The following TRA2B variants were observed in gnomAD, a reference collection of about 807,000 sequenced individuals.
TRA2B encodes transformer-2 protein homolog beta.
TRA2B carries 14 observed loss-of-function variants against 41.7 expected under a neutral mutation model. The ratio of observed to expected loss-of-function variants is 0.34; its 90% CI spans 0.22 to 0.53. The LOEUF (loss-of-function observed/expected upper bound fraction) is 0.53, where lower values mean the gene tolerates loss of function less well. Ranked by LOEUF, TRA2B falls within the 20% of genes least tolerant of loss-of-function variation. The pLI, the probability that TRA2B is intolerant of heterozygous loss-of-function variation, is 0.95. For missense variants in TRA2B, 167 were observed against 396.8 expected (o/e 0.42, Z 4.92); for synonymous variants, 130 against 128.8 (o/e 1.01, Z -0.06).
intron 1 of TRA2B, chr3:185,937,164 C>T: frequency 1.0e-6 from 1 of 985,572 alleles, no homozygotes. Context: ...TTCATTTAGG[C>T]CAAACACAAA....
At chr3:185,935,304 C>A in intron 1 of TRA2B, 1 of 985,266 alleles carries the variant, frequency 1.0e-6, no homozygotes, top group Non-Finnish European at 1.2e-6. Context: ...CTAATTAGAC[C>A]CCTATAGACA....
intron 1 of TRA2B, chr3:185,936,850 T>A (rs1445595507): frequency 2.0e-6 from 2 of 985,292 alleles, no homozygotes; most frequent in African/African-American, 1.7e-5. Context: ...CAGCTACGTA[T>A]GCTGTTTAAA....
At chr3:185,933,979 T>A (rs1359950676) in intron 1 of TRA2B, among the ~76,000 whole-genome samples, 1 of 152,138 alleles carries the variant, frequency 6.6e-6, no homozygotes, top group Non-Finnish European at 1.5e-5. Flanking sequence ...TCAATCTCAA[T>A]GTAACCTCCA....
chr3:185,936,596 T>C (rs1339305714), intron 1 of TRA2B: 1 of 985,100 alleles, frequency 1.0e-6, no homozygotes, highest in East Asian at 1.1e-4. Flanking sequence ...CTAAGACATT[T>C]AATAGTCTTA....
rs1280172761 is a variant in TRA2B, at chr3:185,918,417, G to A, written c.804C>T (p.Tyr268=). ...GTGATCTGTATCCTCCACGACTATA[G>A]TAAGGAGAAGGTGACCGCCTTCTAT... ...QIYRRRSPSP[Y]YSRGGYRSRS... The change falls in exon 8 of 9, where the codon TAC becomes TAT. Residue 268 remains tyrosine (Y), a synonymous_variant. Coordinates refer to ENST00000453386, the MANE Select transcript of TRA2B (RefSeq NM_004593.3). 3 of 1,613,606 alleles carry A rather than the reference G, an allele frequency of 1.9e-6. No homozygotes were observed. The highest frequency in any genetic ancestry group is 2.5e-6 in the Non-Finnish European group (3 of 1,179,692).
intron 4 of TRA2B, chr3:185,923,516 A>G (rs1578476346): frequency 8.1e-6 from 2 of 248,416 alleles, no homozygotes; most frequent in East Asian, 1.5e-4. Flanking sequence ...TTTTGACTCT[A>G]GAATGTGAAC....
In TRA2B at chr3:185,915,666, AAAC is replaced by A. The variant is rs1341633031; in HGVS notation, c.*2046_*2048del. 6.6e-6 allele frequency among the ~76,000 whole-genome samples: 1 copy of A among 152,212 alleles called. No homozygotes were observed. Among genetic ancestry groups the A allele is most frequent in the Non-Finnish European group, 1.5e-5 (1 of 68,024 alleles). ...AATTCTTTCAAATCTAAAAGCCAGAAAACAACTCAAACTAGCCTAAAAAAGGAA... is the reference window on the plus strand; with the variant it reads ...AATTCTTTCAAATCTAAAAGCCAGAAAACTCAAACTAGCCTAAAAAAGGAA... On this transcript the variant is annotated 3_prime_UTR_variant, in exon 9 of 9. Coordinates refer to ENST00000453386, the MANE Select transcript of TRA2B (RefSeq NM_004593.3).
chr3:185,935,920 A>T (rs1744334877), intron 1 of TRA2B: 1 of 985,324 alleles, frequency 1.0e-6, no homozygotes, highest in Non-Finnish European at 1.2e-6. Context: ...AATTTTTAAC[A>T]CATTAAGTTA....
At chr3:185,932,573 T>C (rs993598446) in intron 1 of TRA2B, among the ~76,000 whole-genome samples, 2 of 152,204 alleles carry the variant, frequency 1.3e-5, no homozygotes, top group South Asian at 2.1e-4. Context: ...AAGAGTTTTG[T>C]TGTACATTTT....
chr3:185,936,115 C>T, intron 1 of TRA2B: 1 of 985,410 alleles, frequency 1.0e-6, no homozygotes, highest in Non-Finnish European at 1.2e-6. Context: ...CTCAAGCATT[C>T]TTCACGTGTA....
chr3:185,918,545 G>A, intron 7 of TRA2B, 107 bp from the exon 8 acceptor site: 1 of 644,388 alleles, frequency 1.6e-6, no homozygotes. Flanking sequence ...CCCAAAAAAG[G>A]AAAGCTGCAT....
intron 8 of TRA2B, 135 bp from the exon 9 acceptor site, chr3:185,917,860 A>G (rs1743560611): frequency 3.9e-6 from 3 of 778,784 alleles, no homozygotes; most frequent in Admixed American, 5.3e-5. Flanking sequence ...CCAAATAGAG[A>G]AAGACTTCCA....
intron 1 of TRA2B, among the ~76,000 whole-genome samples, chr3:185,929,226 T>C (rs1345824376): frequency 6.6e-6 from 1 of 152,230 alleles, no homozygotes; most frequent in Non-Finnish European, 1.5e-5. Context: ...TTTGGCCATT[T>C]AACTGGCTGG....
At chr3:185,921,300 T>A in intron 5 of TRA2B, 113 bp from the exon 6 acceptor site, 1 of 883,444 alleles carries the variant, frequency 1.1e-6, no homozygotes. Flanking sequence ...ATTATTCCTG[T>A]TAAAATTCTC....
rs562655787 is a variant in TRA2B, at chr3:185,937,566, C to T, written c.36+259G>A. 7 of 949,340 alleles carry T rather than the reference C, an allele frequency of 7.4e-6. No individual in the cohort carries two copies. The East Asian group carries it at 2.3e-4, about 32-fold the overall frequency. 58.8% of individuals were successfully genotyped at this position (949,340 alleles called of 1,614,324 possible). On this transcript the variant is annotated intron_variant, in intron 1 of 8. Transcript: ENST00000453386. Reference sequence around the variant, plus strand: ...CGCAGCGGCCATTTTCATCTTCCCCCTCTTATAACGGGAAAAACGGCCGTC... The same window carrying T: ...CGCAGCGGCCATTTTCATCTTCCCCTTCTTATAACGGGAAAAACGGCCGTC...
At chr3:185,936,677 T>G (rs1043712569) in intron 1 of TRA2B, 92 of 534,734 alleles carry the variant, frequency 1.7e-4, no homozygotes, top group Non-Finnish European at 1.9e-4. Context: ...TAACAAATTG[T>G]TTTTTTTTTT....
At chr3:185,931,581 C>T (rs1400411804) in intron 1 of TRA2B, 2 of 1,253,064 alleles carry the variant, frequency 1.6e-6, no homozygotes, top group Non-Finnish European at 2.0e-6. Context: ...AATTACTTAG[C>T]GTAGTGCTTT....
chr3:185,932,986 C>A (rs1348125880), intron 1 of TRA2B, among the ~76,000 whole-genome samples: 1 of 152,082 alleles, frequency 6.6e-6, no homozygotes, highest in Non-Finnish European at 1.5e-5. Flanking sequence ...GTTTTAGAGT[C>A]AATTATTGTT....
chr3:185,921,635 G>A (rs114503286), intron 5 of TRA2B, among the ~76,000 whole-genome samples: 3,971 of 152,138 alleles, frequency 0.026, 146 homozygotes, highest in African/African-American at 0.09. Flanking sequence ...GTTGCGACAC[G>A]CGCCTGTAGT....
Sources: allele counts gnomAD v4.1 joint callset (sites outside exome capture counted in the v4.1 genomes callset), GRCh38; gene constraint gnomAD v4.1.1; transcripts MANE v1.5; gene names NCBI Gene and HGNC (gene_info 2026-07-23, HGNC 2026-07-21).